LRR1: variants seen among roughly 807,000 people sequenced by gnomAD.
The protein encoded by LRR1 is leucine-rich repeat protein 1.
LRR1 carries 29 observed loss-of-function variants against 31.6 expected under a neutral mutation model. The ratio of observed to expected loss-of-function variants is 0.92; its 90% CI spans 0.68 to 1.25. The LOEUF (loss-of-function observed/expected upper bound fraction) is 1.25. Ranked by LOEUF, LRR1 falls within the 50% of genes most tolerant of loss-of-function variation. LRR1 has a pLI of 0.00. For missense variants in LRR1, 485 were observed against 487.2 expected (o/e 1.00, Z 0.04); for synonymous variants, 179 against 181.4 (o/e 0.99, Z 0.10).
chr14:49,604,255 A>G (rs1252873811), intron 2 of LRR1, among the ~76,000 whole-genome samples: 1 of 152,002 alleles, frequency 6.6e-6, no homozygotes, highest in Non-Finnish European at 1.5e-5. Flanking sequence ...CAATGAGCCA[A>G]GATTGCACCA....
chr14:49,601,452 A>AT (rs1390900358), intron 1 of LRR1: 12 of 547,930 alleles, frequency 2.2e-5, no homozygotes, highest in Non-Finnish European at 3.5e-5. Context: ...GCAATCATTA[A>AT]TTTTTTTTAA....
rs767809486 is a variant in LRR1, at chr14:49,602,329, ATAAT to A, written c.184-38_184-35del. 4.1e-4 allele frequency: 626 copies of A among 1,518,482 alleles called. 6 individuals carry two copies. The highest frequency in any genetic ancestry group is 4.7e-4 in the South Asian group (42 of 88,620). 94.1% of individuals were successfully genotyped at this position (1,518,482 alleles called of 1,614,324 possible). A position where few individuals can be genotyped will look rare whatever the true frequency, so the allele number is the denominator to read the frequency against. On this transcript the variant is annotated intron_variant, in intron 1 of 3. Transcript: ENST00000298288. The stretch of plus-strand genomic sequence containing the variant: ...TTGTAATAAATGTTACTGAGTAACA[ATAAT>A]TAGTTTTCTTCTTTTTTTTCTATTG...
chr14:49,608,213 A>C, intron 3 of LRR1, 92 bp downstream of exon 3: 1 of 1,269,662 alleles, frequency 7.9e-7, no homozygotes, highest in Non-Finnish European at 1.1e-6. Flanking sequence ...CATTGCTTAC[A>C]GTGCTATGCA....
chr14:49,612,519 C>G, intron 3 of LRR1: 1 of 1,245,204 alleles, frequency 8.0e-7, no homozygotes, highest in Non-Finnish European at 1.0e-6. Context: ...GAGACACTCC[C>G]TGGCAGAGTT....
At chr14:49,601,775 A>G in intron 1 of LRR1, 1 of 763,798 alleles carries the variant, frequency 1.3e-6, no homozygotes, top group South Asian at 1.5e-5. Flanking sequence ...GAGCAGTAAC[A>G]TCCACCACCA....
Position 49,600,303 on chromosome 14 carries a change from G to C in LRR1, c.183+1100G>C, listed in dbSNP as rs1882004841. The C allele has an allele frequency of 5.3e-6, 8 of 1,498,368 alleles. No individual in the cohort carries two copies. In the Admixed American group the frequency reaches 1.2e-4, roughly 22 times the overall value. 92.8% of individuals were successfully genotyped at this position (1,498,368 alleles called of 1,614,324 possible). ...ATTTCAAAATGTGAGGGAGGAGTGG[G>C]TACCGGAACTTAAGGAATACGCACC... On this transcript the variant is annotated intron_variant, in intron 1 of 3. Coordinates refer to ENST00000298288, the MANE Select transcript of LRR1 (RefSeq NM_152329.4).
chr14:49,606,326 C>G (rs2139542640), intron 2 of LRR1, among the ~76,000 whole-genome samples: 1 of 151,792 alleles, frequency 6.6e-6, no homozygotes, highest in African/African-American at 2.4e-5. Context: ...CAGTCCCAGC[C>G]TTTTTTGTTT....
At chr14:49,600,149 G>T in intron 1 of LRR1, 1 of 1,524,052 alleles carries the variant, frequency 6.6e-7, no homozygotes, top group South Asian at 1.1e-5. Context: ...GCGTCACCGT[G>T]GGGGGCAAGC....
intron 2 of LRR1, among the ~76,000 whole-genome samples, chr14:49,604,821 TTCTGCC>T (rs1882221718): frequency 2.5e-5 from 1 of 39,880 alleles, no homozygotes; most frequent in African/African-American, 8.8e-5. Context: ...GGTGGTTTTT[TTCTGCC>T]TTCTGCCCTC....
At chr14:49,600,240 G>A in intron 1 of LRR1, 1 of 1,486,290 alleles carries the variant, frequency 6.7e-7, no homozygotes, top group Admixed American at 1.7e-5. Context: ...AATGACCGAC[G>A]TCTTCCTTAT....
intron 1 of LRR1, chr14:49,601,658 C>T (rs1882057153): frequency 1.6e-6 from 2 of 1,289,432 alleles, no homozygotes; most frequent in Admixed American, 2.3e-5. Context: ...AGGCAAGTAA[C>T]TGCTATTGGC....
At chr14:49,612,077 G>A (rs565890155) in intron 3 of LRR1, among the ~76,000 whole-genome samples, 10 of 152,288 alleles carry the variant, frequency 6.6e-5, no homozygotes, top group Admixed American at 2.0e-4. Flanking sequence ...AGTCCAACAT[G>A]AAAAAGTACA....
At chr14:49,601,067 C>G (rs1234572585) in intron 1 of LRR1, 1 of 1,611,382 alleles carries the variant, frequency 6.2e-7, no homozygotes, top group Non-Finnish European at 8.5e-7. Context: ...GGTGAAATAA[C>G]AAGGCCAGCC....
At chr14:49,600,185 C>T (rs911618279) in intron 1 of LRR1, 304 of 1,473,966 alleles carry the variant, frequency 2.1e-4, no homozygotes, top group Middle Eastern at 1.9e-3. Flanking sequence ...TCTATAACAC[C>T]GCCGGACAGG....
In LRR1 at chr14:49,614,512, A is replaced by G; in HGVS notation, c.*16A>G. ...GTTAAAGTAATGGGTGAGACCAGAA[A>G]AAGAAATTTCAATAACAGATCAGTT... is the stretch of plus-strand genomic sequence containing the variant. On this transcript the variant is annotated 3_prime_UTR_variant, in exon 4 of 4. Transcript: ENST00000298288. The G allele has an allele frequency of 6.2e-7, 1 of 1,613,066 alleles. No individual in the cohort carries two copies.
At chr14:49,600,977 C>A in intron 1 of LRR1, 1 of 1,593,068 alleles carries the variant, frequency 6.3e-7, no homozygotes, top group Non-Finnish European at 8.6e-7. Flanking sequence ...CTTACAGAAT[C>A]TGCACAAAGA....
At chr14:49,602,320 T>G (rs765398854) in intron 1 of LRR1, 50 bp from the exon 2 acceptor site, 1 of 1,503,164 alleles carries the variant, frequency 6.7e-7, no homozygotes, top group Non-Finnish European at 9.2e-7. Flanking sequence ...TAAATGTTAC[T>G]GAGTAACAAT....
chr14:49,610,112 G>A (rs894189409), intron 3 of LRR1, among the ~76,000 whole-genome samples: 1 of 152,180 alleles, frequency 6.6e-6, no homozygotes, highest in Non-Finnish European at 1.5e-5. Context: ...GAGTTGTGAC[G>A]ATAAATGAGC....
chr14:49,602,040 T>C (rs1184491450), intron 1 of LRR1, among the ~76,000 whole-genome samples: 5 of 150,568 alleles, frequency 3.3e-5, no homozygotes, highest in South Asian at 2.1e-4. Flanking sequence ...GGCTGAGTCA[T>C]GGGAATTGCT....
Sources: gnomAD v4.1 joint callset for allele counts (sites outside exome capture counted in the v4.1 genomes callset) on GRCh38, gnomAD v4.1.1 for gene constraint, MANE v1.5 for transcripts, NCBI Gene and HGNC (gene_info 2026-07-23, HGNC 2026-07-21) for gene names.